The following SARAF variants were observed in gnomAD, a reference collection of about 807,000 sequenced individuals.
SARAF encodes the protein store-operated calcium entry-associated regulatory factor.
A neutral mutation model predicts 39.7 loss-of-function variants in SARAF; 23 were observed. That is an observed-to-expected ratio of 0.58 (90% CI 0.42 to 0.82). The LOEUF (loss-of-function observed/expected upper bound fraction) is 0.82. Ranked by LOEUF, SARAF falls within the 40% of genes least tolerant of loss-of-function variation. SARAF has a pLI of 0.00. For synonymous variants in SARAF, 175 were observed against 168.5 expected, an observed-to-expected ratio of 1.04 and a Z score of -0.30; for missense variants, 384 against 418.5, an observed-to-expected ratio of 0.92 and a Z score of 0.72.
Position 30,082,896 on chromosome 8 carries a change from C to A in SARAF, c.54G>T (p.Leu18Phe). The A allele has an allele frequency of 6.4e-7, 1 of 1,563,558 alleles. No homozygotes were observed. The highest frequency in any genetic ancestry group is 1.2e-5 in the South Asian group (1 of 85,052). ...GAAGYCLLLG[L>F]HLFLLTAGPA... is the part of the protein sequence containing the mutation. The stretch of plus-strand genomic sequence containing the variant: ...GGCCCGCGGTCAGCAGAAACAAATG[C>A]AAGCCGAGGAGCAAGCAGTACCCGG... Residue 18 changes from leucine to phenylalanine, a missense_variant, in exon 1 of 6, where the codon TTG becomes TTT. Coordinates refer to ENST00000256255, the MANE Select transcript of SARAF (RefSeq NM_016127.6).
chr8:30,074,345 A>G (rs1483007818), intron 1 of SARAF, among the ~76,000 whole-genome samples: 1 of 152,254 alleles, frequency 6.6e-6, no homozygotes, highest in African/African-American at 2.4e-5. Context: ...AACCTGAAAC[A>G]TTGTACTACT....
chr8:30,076,835 A>G (rs1801978189), intron 1 of SARAF, among the ~76,000 whole-genome samples: 1 of 152,108 alleles, frequency 6.6e-6, no homozygotes, highest in Non-Finnish European at 1.5e-5. Context: ...CTAGCACCTT[A>G]ATATTGAACT....
intron 3 of SARAF, among the ~76,000 whole-genome samples, chr8:30,067,752 C>T (rs1428123398): frequency 1.3e-5 from 2 of 152,148 alleles, no homozygotes; most frequent in Non-Finnish European, 2.9e-5. Flanking sequence ...AAAATTTACA[C>T]AGTCCCATTC....
At chr8:30,066,220 G>T in intron 4 of SARAF, 81 bp from the exon 5 acceptor site, 1 of 1,343,132 alleles carries the variant, frequency 7.4e-7, no homozygotes. Flanking sequence ...TAAACTGTCA[G>T]AAAAAAATAT....
At chr8:30,083,131 C>T (rs927369861), upstream of SARAF, 1 of 515,544 alleles carries the variant, frequency 1.9e-6, no homozygotes, top group East Asian at 3.6e-5. Flanking sequence ...CGCTGCGGCC[C>T]GTGGGGCTCA....
chr8:30,069,865 A>G lies in SARAF; in HGVS notation c.477T>C (p.Ser159=), dbSNP rs758906404. Residue 159 remains serine (S), a synonymous_variant, in exon 3 of 6, where the codon TCT becomes TCC. Transcript: ENST00000256255. ...CCGAGGACCACTTATAATAATAATC[A>G]GAGAAAGAGGCAAAGCCGTGCTGCT... The part of the protein sequence containing the change: ...SGKQHGFASF[S]DYYYKWSSAD... 6.2e-7 allele frequency: 1 copy of G among 1,614,180 alleles called. No individual in the cohort carries two copies. The highest frequency in any genetic ancestry group is 8.5e-7 in the Non-Finnish European group (1 of 1,180,024).
intron 3 of SARAF, among the ~76,000 whole-genome samples, chr8:30,068,093 C>CTTATTTCTGTTGAACATGTAAATCATGGG (rs1801733089): frequency 6.6e-6 from 1 of 152,182 alleles, no homozygotes; most frequent in Non-Finnish European, 1.5e-5. Flanking sequence ...AGCACCTTTT[C>CTTATTTCTGTTGAACATGTAAATCATGGG]TTATTTCTGT....
At chr8:30,076,257 AG>A (rs1437436572) in intron 1 of SARAF, among the ~76,000 whole-genome samples, 1 of 152,228 alleles carries the variant, frequency 6.6e-6, no homozygotes, top group Non-Finnish European at 1.5e-5. Flanking sequence ...AGGGAACCCA[AG>A]TGACTGTGTG....
In SARAF at chr8:30,081,179, T is replaced by C. The variant is rs565862985; in HGVS notation, c.103+1668A>G. Among the ~76,000 whole-genome samples, 12 of 152,324 alleles carry C rather than the reference T, an allele frequency of 7.9e-5. 1 individual carries two copies. The South Asian group carries it at 1.2e-3, about 16-fold the overall frequency. ...ACAAAAAAGTTCCTCAAAGTAAACTTTGAAGTAGAATTTACATAAAACAAT... is the reference window on the plus strand; with the variant it reads ...ACAAAAAAGTTCCTCAAAGTAAACTCTGAAGTAGAATTTACATAAAACAAT... On this transcript the variant is annotated intron_variant, in intron 1 of 5. Transcript: ENST00000256255.
At chr8:30,069,496 G>A (rs1801778469) in intron 3 of SARAF, 146 bp downstream of exon 3, 2 of 838,890 alleles carry the variant, frequency 2.4e-6, no homozygotes, top group African/African-American at 1.7e-5. Flanking sequence ...AAACAGAAGA[G>A]GTAAAAGAAG....
intron 1 of SARAF, among the ~76,000 whole-genome samples, chr8:30,079,297 A>C (rs1436158764): frequency 6.6e-6 from 1 of 152,148 alleles, no homozygotes; most frequent in African/African-American, 2.4e-5. Flanking sequence ...TGGTCTTTTT[A>C]ATTTAGTGGA....
At chr8:30,064,561 A>ATATATATATATATATATATTTTTTTTT (rs1423689069) in intron 5 of SARAF, among the ~76,000 whole-genome samples, 2 of 46,226 alleles carry the variant, frequency 4.3e-5, no homozygotes, top group African/African-American at 2.2e-4. Context: ...ATATATATAT[A>ATATATATATATATATATATTTTTTTTT]TTTTTTTTTT....
At chr8:30,066,291 C>T (rs906803549) in intron 4 of SARAF, 152 bp from the exon 5 acceptor site, 29 of 836,258 alleles carry the variant, frequency 3.5e-5, no homozygotes, top group Middle Eastern at 3.5e-4. Flanking sequence ...AAATAAAAAC[C>T]GTTTCATATT....
chr8:30,064,561 A>ATATATATATATATTTTTTTTTTTTT (rs1423689069), intron 5 of SARAF, among the ~76,000 whole-genome samples: 2 of 46,226 alleles, frequency 4.3e-5, no homozygotes, highest in Non-Finnish European at 6.9e-5. Flanking sequence ...ATATATATAT[A>ATATATATATATATTTTTTTTTTTTT]TTTTTTTTTT....
intron 5 of SARAF, among the ~76,000 whole-genome samples, chr8:30,064,559 A>ATTTTTTTTTTTT (rs1240248914): frequency 3.0e-4 from 15 of 50,016 alleles, no homozygotes; most frequent in African/African-American, 4.9e-4. Context: ...ATATATATAT[A>ATTTTTTTTTTTT]TATTTTTTTT....
chr8:30,071,638 AC>A (rs1386502161), intron 2 of SARAF, among the ~76,000 whole-genome samples: 3 of 152,200 alleles, frequency 2.0e-5, no homozygotes, highest in African/African-American at 7.2e-5. Flanking sequence ...CCCGCCGCAC[AC>A]CTCCCAACCA....
At chr8:30,075,972 C>T (rs1199533127) in intron 1 of SARAF, among the ~76,000 whole-genome samples, 4 of 42,558 alleles carry the variant, frequency 9.4e-5, no homozygotes, top group African/African-American at 2.4e-4. Context: ...ATGTACATAA[C>T]AGAATCCCTA....
rs189370068 is a variant in SARAF at position 30,069,201 on chromosome 8, G to A, written c.700+441C>T. Among the ~76,000 whole-genome samples the A allele has an allele frequency of 1.8e-3, 257 of 142,816 alleles. 1 individual carries two copies. The Admixed American group carries it at 0.018, about 10-fold the overall frequency. 93.7% of individuals were successfully genotyped at this position (142,816 alleles called of 152,430 possible). On this transcript the variant is annotated intron_variant, in intron 3 of 5. Transcript: ENST00000256255. ...GTCACTCAGGCTGGAGTGCAGTGGC[G>A]CAATCTCGGCTCACCGCAACCTCCA... is the stretch of plus-strand genomic sequence containing the variant.
chr8:30,069,133 C>CCT (rs1491510056), intron 3 of SARAF, among the ~76,000 whole-genome samples: 1 of 94,512 alleles, frequency 1.1e-5, no homozygotes. Context: ...TTTAATCAGG[C>CCT]ATTTTTTTTT....
Sources: allele counts gnomAD v4.1 joint callset (sites outside exome capture counted in the v4.1 genomes callset), GRCh38; gene constraint gnomAD v4.1.1; transcripts MANE v1.5; gene names NCBI Gene and HGNC (gene_info 2026-07-23, HGNC 2026-07-21).